NPEPPS: variants seen among roughly 807,000 people sequenced by gnomAD.
The protein encoded by NPEPPS is puromycin-sensitive aminopeptidase.
In NPEPPS, 14 loss-of-function variants were observed where a neutral mutation model predicts 115.5. The observed-to-expected ratio is 0.12, with a 90% confidence interval of 0.08 to 0.19. The LOEUF is 0.19. Among genes scored for constraint, NPEPPS ranks in the 10% least tolerant of loss-of-function variants. The pLI is 1.00. For synonymous variants in NPEPPS, 285 were observed against 390.6 expected, an observed-to-expected ratio of 0.73 and a Z score of 3.19; for missense variants, 523 against 1,110.8, an observed-to-expected ratio of 0.47 and a Z score of 7.52.
At chr17:47,599,068 A>G (rs1488938459) in intron 13 of NPEPPS, among the ~76,000 whole-genome samples, 1 of 152,322 alleles carries the variant, frequency 6.6e-6, no homozygotes, top group East Asian at 1.9e-4. Context: ...AGAATAGGAG[A>G]GCTGTGTAAC....
chr17:47,603,963 A>G lies in NPEPPS; in HGVS notation c.1789A>G (p.Met597Val), dbSNP rs1253735072. 1 of 1,613,700 alleles carries G rather than the reference A, an allele frequency of 6.2e-7. No individual in the cohort carries two copies. Residue 597 changes from methionine (M) to valine (V), a missense_variant, in exon 16 of 23, where the codon ATG becomes GTG. By Grantham distance (21) the Met-to-Val change is conservative (BLOSUM62 1). This residue lies in a region of NPEPPS where 372 missense variants were observed against 542.6 expected (regional missense o/e 0.69). Coordinates refer to ENST00000322157, the MANE Select transcript of NPEPPS (RefSeq NM_006310.4). Reference protein sequence around the residue: ...GFYRTQYSSAMLESLLPGIRD... With the variant: ...GFYRTQYSSAVLESLLPGIRD... ...TTATCGGACCCAGTACAGCTCTGCC[A>G]TGCTGGAAAGTTTATTACCAGGCAT...
intron 2 of NPEPPS, among the ~76,000 whole-genome samples, chr17:47,558,974 G>C (rs1910250997): frequency 6.6e-6 from 1 of 151,800 alleles, no homozygotes; most frequent in Non-Finnish European, 1.5e-5. Context: ...GCGGACGGAG[G>C]TTGCAGTGAA....
At chr17:47,620,423 T>C (rs1464156141) in intron 22 of NPEPPS, among the ~76,000 whole-genome samples, 1 of 152,040 alleles carries the variant, frequency 6.6e-6, no homozygotes, top group African/African-American at 2.4e-5. Context: ...GTGGCAGTAG[T>C]GGAGGAGATG....
At chr17:47,539,859 C>T (rs1193744098) in intron 1 of NPEPPS, among the ~76,000 whole-genome samples, 1 of 152,054 alleles carries the variant, frequency 6.6e-6, no homozygotes, top group East Asian at 1.9e-4. Context: ...TCCACCAAGG[C>T]AACAATTATT....
At chr17:47,604,111 T>C in intron 16 of NPEPPS, 62 bp downstream of exon 16, 2 of 1,519,040 alleles carry the variant, frequency 1.3e-6, no homozygotes, top group Non-Finnish European at 1.8e-6. Context: ...CTGTTTTTCC[T>C]GGAGTGTCTG....
rs757181102 is a variant in NPEPPS, at chr17:47,601,650, C to T, written c.1643C>T (p.Thr548Ile). The change falls in exon 15 of 23, where the codon ACT becomes ATT. Residue 548 changes from threonine to isoleucine, a missense_variant. Thr to Ile is a moderately conservative substitution (Grantham distance 89). Around this residue, in one of 4 missense-constraint regions of NPEPPS, gnomAD observed 372 missense variants for 542.6 expected, o/e 0.69. Transcript: ENST00000322157. ...TGGATGGTCCCTATCACAATCTCTA[C>T]TAGTGAAGACCCCAACCAGGCCAAA... ...PQWMVPITIS[T>I]SEDPNQAKLK... The T allele has an allele frequency of 6.2e-7, 1 of 1,612,462 alleles. No individual in the cohort carries two copies. Among genetic ancestry groups the T allele is most frequent in the South Asian group, 1.1e-5 (1 of 90,756 alleles).
Position 47,622,035 on chromosome 17 carries a change from G to A in NPEPPS, c.*115G>A, listed in dbSNP as rs567598443. Reference sequence around the variant, plus strand: ...GGAGTCTTCTTTCAAACCAGTGGGGGTTGGACAATGAATGTAGTTAACTGG... The same window carrying A: ...GGAGTCTTCTTTCAAACCAGTGGGGATTGGACAATGAATGTAGTTAACTGG... On this transcript the variant is annotated 3_prime_UTR_variant, in exon 23 of 23. Transcript: ENST00000322157. 1.3e-5 allele frequency: 17 copies of A among 1,356,358 alleles called. No individual in the cohort carries two copies. In the South Asian group the frequency reaches 2.8e-4, roughly 22 times the overall value. 84.0% of individuals were successfully genotyped at this position (1,356,358 alleles called of 1,614,324 possible).
At chr17:47,572,052 C>T (rs1472701923) in intron 3 of NPEPPS, among the ~76,000 whole-genome samples, 1 of 151,978 alleles carries the variant, frequency 6.6e-6, no homozygotes, top group South Asian at 2.1e-4. Context: ...CAGCCACTCT[C>T]TGTATCATGC....
intron 17 of NPEPPS, among the ~76,000 whole-genome samples, chr17:47,606,510 C>T (rs971844701): frequency 6.0e-5 from 9 of 150,736 alleles, no homozygotes; most frequent in East Asian, 3.9e-4. Context: ...CAGGCTGGAA[C>T]GCAGTGGCGC....
At chr17:47,609,336 A>G (rs187008525) in intron 17 of NPEPPS, among the ~76,000 whole-genome samples, 2 of 152,300 alleles carry the variant, frequency 1.3e-5, no homozygotes, top group Admixed American at 1.3e-4. Flanking sequence ...TGGATGTTGC[A>G]CTTTTCTTTC....
chr17:47,571,346 A>G (rs1429501676), intron 3 of NPEPPS, among the ~76,000 whole-genome samples: 1 of 152,168 alleles, frequency 6.6e-6, no homozygotes, highest in Non-Finnish European at 1.5e-5. Flanking sequence ...ATATAAAATT[A>G]TTTTTAGAAA....
intron 3 of NPEPPS, 83 bp from the exon 4 acceptor site, chr17:47,579,307 G>A (rs1429564840): frequency 1.7e-5 from 17 of 1,027,944 alleles, no homozygotes; most frequent in Non-Finnish European, 2.2e-5. Flanking sequence ...ATAGCTAACT[G>A]AATATAGTGT....
intron 1 of NPEPPS, among the ~76,000 whole-genome samples, chr17:47,532,386 T>G (rs1907870764): frequency 6.6e-6 from 1 of 152,084 alleles, no homozygotes; most frequent in African/African-American, 2.4e-5. Flanking sequence ...CTGGGCGCGG[T>G]GGCTCATGCC....
chr17:47,565,430 C>T (rs1479187951), intron 2 of NPEPPS, among the ~76,000 whole-genome samples: 2 of 140,732 alleles, frequency 1.4e-5, no homozygotes, highest in South Asian at 2.2e-4. Flanking sequence ...TGCTTGAACC[C>T]GGGAGGCGGA....
chr17:47,547,365 T>G (rs202228070), intron 2 of NPEPPS, among the ~76,000 whole-genome samples: 1 of 151,900 alleles, frequency 6.6e-6, no homozygotes, highest in Non-Finnish European at 1.5e-5. Flanking sequence ...TTTTTTTTTT[T>G]TGAGAGAGTC....
chr17:47,611,580 C>G (rs1262852616), intron 17 of NPEPPS, among the ~76,000 whole-genome samples: 2 of 152,106 alleles, frequency 1.3e-5, no homozygotes, highest in Non-Finnish European at 2.9e-5. Flanking sequence ...TCAAGCGATC[C>G]TCCCTCCCCA....
At chr17:47,604,197 A>G in intron 16 of NPEPPS, 148 bp downstream of exon 16, 1 of 595,516 alleles carries the variant, frequency 1.7e-6, no homozygotes, top group Non-Finnish European at 2.7e-6. Flanking sequence ...ACTGTTTTTA[A>G]TATGACAAGA....
At chr17:47,611,897 A>G (rs1201340102) in intron 17 of NPEPPS, among the ~76,000 whole-genome samples, 1 of 152,120 alleles carries the variant, frequency 6.6e-6, no homozygotes, top group Non-Finnish European at 1.5e-5. Flanking sequence ...AACACTTGCT[A>G]TTATCTTTTT....
chr17:47,592,571 A>C (rs1912574434), intron 12 of NPEPPS, 26 bp downstream of exon 12: 1 of 1,561,914 alleles, frequency 6.4e-7, no homozygotes, highest in African/African-American at 1.4e-5. Flanking sequence ...TTGAGATAGA[A>C]ATGGAGAGAA....
Sources: gnomAD v4.1 joint callset for allele counts (sites outside exome capture counted in the v4.1 genomes callset) on GRCh38, gnomAD v4.1.1 for gene constraint, gnomAD v4.1.1 regional missense constraint, MANE v1.5 for transcripts, NCBI Gene and HGNC (gene_info 2026-07-23, HGNC 2026-07-21) for gene names.